Variants in MALRD1 observed in about 807,000 individuals in gnomAD.
MALRD1 encodes MAM and LDL receptor class A domain containing 1.
In MALRD1, 247 loss-of-function variants were observed where a neutral mutation model predicts 242.1. The observed-to-expected ratio is 1.02, with a 90% CI of 0.92 to 1.13. The LOEUF (loss-of-function observed/expected upper bound fraction) is 1.13. Among genes scored for constraint, MALRD1 ranks in the 50% most tolerant of loss-of-function variants. The pLI is 0.00. For missense variants in MALRD1, 2,989 were observed against 2,533.1 expected (o/e 1.18, Z -3.86); for synonymous variants, 995 against 866.6 (o/e 1.15, Z -2.60).
chr10:19,485,639 T>C (rs1247267875), intron 29 of MALRD1, among the ~76,000 whole-genome samples: 1 of 91,782 alleles, frequency 1.1e-5, no homozygotes, highest in Non-Finnish European at 2.2e-5. Context: ...CAAGACTCCG[T>C]CTCAATTAAA....
intron 31 of MALRD1, 127 bp from the exon 32 acceptor site, chr10:19,531,067 C>A (rs1338612): frequency 1.3e-6 from 1 of 755,858 alleles, no homozygotes; most frequent in African/African-American, 1.8e-5. Flanking sequence ...CTCCCAAAAT[C>A]AAAATGAGTT....
At chr10:19,098,432 T>A (rs528404441) in intron 4 of MALRD1, among the ~76,000 whole-genome samples, 29 of 152,208 alleles carry the variant, frequency 1.9e-4, no homozygotes, top group Non-Finnish European at 3.7e-4. Context: ...GAGCTTTGCA[T>A]TAAAAAATGT....
intron 31 of MALRD1, among the ~76,000 whole-genome samples, chr10:19,507,935 C>G (rs146533399): frequency 2.3e-4 from 35 of 152,232 alleles, no homozygotes; most frequent in African/African-American, 7.7e-4. Context: ...TTTTGAGGCA[C>G]TATTCTAGGT....
chr10:19,311,801 A>G (rs1292973664), intron 21 of MALRD1, among the ~76,000 whole-genome samples: 1 of 151,460 alleles, frequency 6.6e-6, no homozygotes, highest in Admixed American at 6.6e-5. Context: ...TTTCAACAGT[A>G]TTTAAACTGT....
At chr10:19,581,801 T>C (rs2131509859) in intron 33 of MALRD1, among the ~76,000 whole-genome samples, 1 of 151,350 alleles carries the variant, frequency 6.6e-6, no homozygotes, top group Middle Eastern at 3.4e-3. Flanking sequence ...CCACACTGAC[T>C]TCCACAATGG....
At chr10:19,186,563 A>G (rs946599313) in intron 14 of MALRD1, among the ~76,000 whole-genome samples, 3 of 152,294 alleles carry the variant, frequency 2.0e-5, no homozygotes, top group African/African-American at 7.2e-5. Flanking sequence ...TGAAAATTCT[A>G]TTGAGAATAA....
intron 18 of MALRD1, among the ~76,000 whole-genome samples, chr10:19,220,226 A>G (rs1455151625): frequency 6.6e-6 from 1 of 152,138 alleles, no homozygotes; most frequent in African/African-American, 2.4e-5. Flanking sequence ...AAAAATCAAG[A>G]CAGCAAAATA....
chr10:19,129,479 C>A (rs1837385147), intron 8 of MALRD1, among the ~76,000 whole-genome samples: 1 of 151,984 alleles, frequency 6.6e-6, no homozygotes, highest in African/African-American at 2.4e-5. Context: ...CTCTCTGAAA[C>A]CTGTACTTCA....
intron 10 of MALRD1, among the ~76,000 whole-genome samples, chr10:19,138,942 G>A (rs576435922): frequency 2.2e-4 from 34 of 152,196 alleles, no homozygotes; most frequent in Non-Finnish European, 4.4e-4. Flanking sequence ...GGGTAATTGT[G>A]TTTCTCAACA....
intron 26 of MALRD1, among the ~76,000 whole-genome samples, chr10:19,357,141 G>A (rs560380646): frequency 1.3e-5 from 2 of 151,576 alleles, no homozygotes; most frequent in African/African-American, 4.8e-5. Flanking sequence ...AACAAAAAAT[G>A]CACCTCAAGG....
intron 12 of MALRD1, among the ~76,000 whole-genome samples, chr10:19,159,066 A>G (rs1476434797): frequency 6.6e-6 from 1 of 152,204 alleles, no homozygotes; most frequent in Non-Finnish European, 1.5e-5. Flanking sequence ...CAATCTGTAT[A>G]TCAAAGCACA....
chr10:19,592,225 C>T (rs766744999), intron 33 of MALRD1, among the ~76,000 whole-genome samples: 2 of 152,220 alleles, frequency 1.3e-5, no homozygotes, highest in Non-Finnish European at 2.9e-5. Context: ...AGGAACATCC[C>T]TGCAAAGGAG....
rs939976744 is a variant in MALRD1, at chr10:19,417,729, A to G, written c.4845+28120A>G. ...AGAATGCTTTCCTTAGACTGAGATC[A>G]TTCATTTTTAGGTACACCTTGAGCA... On this transcript the variant is annotated intron_variant, in intron 28 of 39. Coordinates refer to ENST00000454679, the MANE Select transcript of MALRD1 (RefSeq NM_001142308.3). Among the ~76,000 whole-genome samples, 3 of 152,164 alleles carry G rather than the reference A, an allele frequency of 2.0e-5. No individual in the cohort carries two copies. The East Asian group carries it at 5.8e-4, about 29-fold the overall frequency.
chr10:19,455,375 T>A lies in MALRD1; in HGVS notation c.5029+4885T>A, dbSNP rs193197773. ...TCATTCACCTGATACTCAGGGAGCT[T>A]ACTATTAATACTAAATAGTATTTAT... On this transcript the variant is annotated intron_variant, in intron 29 of 39. Transcript: ENST00000454679. 4.6e-5 allele frequency among the ~76,000 whole-genome samples: 7 copies of A among 152,352 alleles called. No individual in the cohort carries two copies. In the East Asian group the frequency reaches 1.3e-3, roughly 29 times the overall value.
intron 12 of MALRD1, among the ~76,000 whole-genome samples, chr10:19,156,672 A>G (rs1834159192): frequency 6.6e-6 from 1 of 152,278 alleles, no homozygotes; most frequent in African/African-American, 2.4e-5. Context: ...AGAAATTCCT[A>G]TGACTCACCT....
At chr10:19,269,970 C>T (rs16918451) in intron 19 of MALRD1, among the ~76,000 whole-genome samples, 3 of 152,142 alleles carry the variant, frequency 2.0e-5, no homozygotes, top group African/African-American at 7.2e-5. Flanking sequence ...TGATTTCTCT[C>T]TAATGATTAT....
At chr10:19,122,889 A>T (rs754583470) in intron 5 of MALRD1, among the ~76,000 whole-genome samples, 11 of 152,070 alleles carry the variant, frequency 7.2e-5, no homozygotes, top group African/African-American at 2.2e-4. Flanking sequence ...CCACGCCCAG[A>T]TAATTTTTGT....
chr10:19,641,683 A>T (rs11010881), intron 36 of MALRD1, among the ~76,000 whole-genome samples: 6,680 of 152,236 alleles, frequency 0.044, 198 homozygotes, highest in Middle Eastern at 0.092. Flanking sequence ...CATTGTGGCT[A>T]TGTTTCTCAA....
At chr10:19,370,574 T>C (rs184308322) in intron 26 of MALRD1, among the ~76,000 whole-genome samples, 1 of 152,274 alleles carries the variant, frequency 6.6e-6, no homozygotes, top group African/African-American at 2.4e-5. Flanking sequence ...TCACATATTG[T>C]TTTGTTTTGT....
Sources: gnomAD v4.1 joint callset for allele counts (sites outside exome capture counted in the v4.1 genomes callset) on GRCh38, gnomAD v4.1.1 for gene constraint, MANE v1.5 for transcripts, NCBI Gene and HGNC (gene_info 2026-07-23, HGNC 2026-07-21) for gene names.